Variants in PCDHGA2 observed in about 807,000 individuals in gnomAD.
PCDHGA2 encodes protocadherin gamma subfamily A, 2.
PCDHGA2 carries 40 observed loss-of-function variants against 59.2 expected under a neutral mutation model. The observed-to-expected ratio is 0.68, with a 90% confidence interval of 0.52 to 0.88. The LOEUF (loss-of-function observed/expected upper bound fraction) is 0.88, where lower values mean the gene tolerates loss of function less well. PCDHGA2 is among the 40% of genes least tolerant of loss of function. The pLI, the probability that PCDHGA2 is intolerant of heterozygous loss-of-function variation, is 0.00. For missense variants in PCDHGA2, 1,226 were observed against 1,204.0 expected (o/e 1.02, Z -0.27); for synonymous variants, 560 against 526.0 (o/e 1.06, Z -0.89).
intron 1 of PCDHGA2, chr5:141,413,304 A>G: frequency 6.2e-7 from 1 of 1,613,982 alleles, no homozygotes; most frequent in Non-Finnish European, 8.5e-7. Context: ...CTGAGGAATT[A>G]GAGAAAGGCT....
At chr5:141,427,858 C>T in intron 1 of PCDHGA2, 1 of 1,555,500 alleles carries the variant, frequency 6.4e-7, no homozygotes, top group South Asian at 1.1e-5. Context: ...CAGCTGTGCG[C>T]CTTCGAGCTC....
chr5:141,413,180 C>CCGCTCAAAGGAAT (rs760676891), intron 1 of PCDHGA2: 75 of 1,602,494 alleles, frequency 4.7e-5, no homozygotes, highest in Non-Finnish European at 6.1e-5. Flanking sequence ...ACTACAATGG[C>CCGCTCAAAGGAAT]CGCTCAAAGG....
chr5:141,362,348 G>T (rs761668802), intron 1 of PCDHGA2: 2 of 1,614,022 alleles, frequency 1.2e-6, no homozygotes, highest in Non-Finnish European at 1.7e-6. Context: ...CCTGGACCTG[G>T]GGTTCTCCCC....
intron 1 of PCDHGA2, among the ~76,000 whole-genome samples, chr5:141,465,422 G>A (rs74711061): frequency 0.01 from 1,576 of 152,260 alleles, 21 homozygotes; most frequent in African/African-American, 0.037. Context: ...AGCACTGAAA[G>A]GTGGGCACTT....
At position 141,350,735 on chromosome 5, in the gene PCDHGA2, G is replaced by A. The variant is rs1304871310; in HGVS notation, c.2424+9340G>A. The A allele has an allele frequency of 8.7e-6, 14 of 1,613,870 alleles. No homozygotes were observed. The highest frequency in any genetic ancestry group is 7.6e-6 in the Non-Finnish European group (9 of 1,179,904). On this transcript the variant is annotated intron_variant, in intron 1 of 3. Transcript: ENST00000394576. ...TCTGGATTCTGCTCAAGATGCAGAT[G>A]TGGAAGGCAATTCACTGAAGTTATA...
chr5:141,454,798 T>A (rs866302149), intron 1 of PCDHGA2, among the ~76,000 whole-genome samples: 2 of 58,950 alleles, frequency 3.4e-5, no homozygotes, highest in Non-Finnish European at 6.4e-5. Context: ...TGGTTCTAAT[T>A]TTTTTTTTTT....
Position 141,491,504 on chromosome 5 carries a change from G to T in PCDHGA2, c.2425-3303G>T. 6.2e-7 allele frequency: 1 copy of T among 1,614,048 alleles called. No homozygotes were observed. The highest frequency in any genetic ancestry group is 2.2e-5 in the East Asian group (1 of 44,876). Reference sequence around the variant, plus strand: ...CCCAACCTGCAGGTGAGCTCGGACGGCACGCTCAAGTACATGGAGGTGACG... The same window carrying T: ...CCCAACCTGCAGGTGAGCTCGGACGTCACGCTCAAGTACATGGAGGTGACG... On this transcript the variant is annotated intron_variant, in intron 1 of 3. Transcript: ENST00000394576. The surrounding 1 kb of genome is among the most constrained non-coding windows in gnomAD (Gnocchi z 6.9).
chr5:141,390,764 G>T, intron 1 of PCDHGA2: 2 of 165,996 alleles, frequency 1.2e-5, no homozygotes, highest in Non-Finnish European at 2.6e-5. Flanking sequence ...TTTGTTTCCT[G>T]TGTTAACTTC....
intron 1 of PCDHGA2, among the ~76,000 whole-genome samples, chr5:141,430,040 T>C (rs1449876504): frequency 1.3e-5 from 2 of 152,232 alleles, no homozygotes; most frequent in African/African-American, 2.4e-5. Flanking sequence ...ATTCTGATAA[T>C]GTATACAATC....
intron 1 of PCDHGA2, among the ~76,000 whole-genome samples, chr5:141,406,747 CA>C (rs889749071): frequency 1.2e-4 from 19 of 152,168 alleles, no homozygotes; most frequent in Non-Finnish European, 2.1e-4. Flanking sequence ...TGTGAAATGA[CA>C]AAACAAGGAA....
In PCDHGA2 at chr5:141,490,004, CA is replaced by C; in HGVS notation, c.2425-4802del. 1 of 1,614,174 alleles carries C rather than the reference CA, an allele frequency of 6.2e-7. No individual in the cohort carries two copies. Among genetic ancestry groups the C allele is most frequent in the Admixed American group, 1.7e-5 (1 of 60,034 alleles). ...CTACGTGTGGGAATCCCAGAGAATG[CA>C]CCCATTGGTACTCTGCTGCTCCGCC... On this transcript the variant is annotated intron_variant, in intron 1 of 3. Transcript: ENST00000394576. This position sits in a 1 kb window ranked among gnomAD's most constrained non-coding sequence, Gnocchi z 5.4.
chr5:141,501,345 A>G (rs2099808580), intron 2 of PCDHGA2, among the ~76,000 whole-genome samples: 2 of 150,582 alleles, frequency 1.3e-5, no homozygotes, highest in East Asian at 1.9e-4. Context: ...CCCAAACTCA[A>G]TAGGGCAAGA....
chr5:141,350,807 C>T (rs541672672), intron 1 of PCDHGA2: 2 of 1,613,974 alleles, frequency 1.2e-6, no homozygotes, highest in East Asian at 2.2e-5. Flanking sequence ...GAAGGAAAGT[C>T]CTGATGGAAG....
chr5:141,382,880 G>A, intron 1 of PCDHGA2: 1 of 1,526,962 alleles, frequency 6.5e-7, no homozygotes, highest in Non-Finnish European at 8.8e-7. Context: ...CGGCGCCTAA[G>A]CAAGAGAAGC....
At chr5:141,474,652 T>C (rs962582027) in intron 1 of PCDHGA2, among the ~76,000 whole-genome samples, 1 of 152,206 alleles carries the variant, frequency 6.6e-6, no homozygotes, top group African/African-American at 2.4e-5. Context: ...TCCTTACTTC[T>C]TTTCTACCTA....
At chr5:141,344,651 A>G in intron 1 of PCDHGA2, 2 of 1,613,976 alleles carry the variant, frequency 1.2e-6, no homozygotes, top group Non-Finnish European at 1.7e-6. Context: ...AGAAAAAAGA[A>G]ATTCACCAGC....
At chr5:141,354,975 T>C (rs1466745484) in intron 1 of PCDHGA2, 5 of 539,240 alleles carry the variant, frequency 9.3e-6, no homozygotes, top group Non-Finnish European at 1.5e-5. Context: ...ACTCTGGGTG[T>C]CGCTGTTCAC....
intron 1 of PCDHGA2, chr5:141,414,601 T>A: frequency 6.2e-7 from 1 of 1,613,944 alleles, no homozygotes; most frequent in Non-Finnish European, 8.5e-7. Flanking sequence ...TGCCTCCATC[T>A]TCTCAGTGAC....
chr5:141,376,072 C>G (rs755171325), intron 1 of PCDHGA2: 9 of 1,613,498 alleles, frequency 5.6e-6, no homozygotes, highest in Middle Eastern at 1.7e-4. Flanking sequence ...TCACCGTGGC[C>G]GTGGCCGACA....
Sources: allele counts gnomAD v4.1 joint callset (sites outside exome capture counted in the v4.1 genomes callset), GRCh38; gene constraint gnomAD v4.1.1; non-coding constraint Gnocchi (gnomAD v3.1); transcripts MANE v1.5; gene names NCBI Gene and HGNC (gene_info 2026-07-23, HGNC 2026-07-21).